AGBL1: variants seen among roughly 807,000 people sequenced by gnomAD.
The protein encoded by AGBL1 is AGBL carboxypeptidase 1, also known as cytosolic carboxypeptidase 4.
In AGBL1, 130 loss-of-function variants were observed where a neutral mutation model predicts 118.9. That is an observed-to-expected ratio of 1.09 (90% CI 0.95 to 1.26). The LOEUF is 1.26. AGBL1 is among the 50% of genes most tolerant of loss of function. The pLI, the probability that AGBL1 is intolerant of heterozygous loss-of-function variation, is 0.00. For synonymous variants in AGBL1, 555 were observed against 478.9 expected (o/e 1.16, Z -2.08); for missense variants, 1,584 against 1,298.1 (o/e 1.22, Z -3.38).
At chr15:86,477,815 T>C (rs1387042541) in intron 18 of AGBL1, among the ~76,000 whole-genome samples, 3 of 152,174 alleles carry the variant, frequency 2.0e-5, no homozygotes, top group Admixed American at 6.6e-5. Flanking sequence ...CTGATGAACA[T>C]TGATGCAAAA....
At chr15:86,189,165 C>A (rs1407714845) in intron 5 of AGBL1, among the ~76,000 whole-genome samples, 1 of 152,144 alleles carries the variant, frequency 6.6e-6, no homozygotes, top group Admixed American at 6.5e-5. Context: ...GTTTAGATGA[C>A]TTCTGTGCTT....
At chr15:86,485,189 G>A (rs1775761286) in intron 18 of AGBL1, among the ~76,000 whole-genome samples, 1 of 152,130 alleles carries the variant, frequency 6.6e-6, no homozygotes, top group African/African-American at 2.4e-5. Flanking sequence ...GGCATTACCT[G>A]GAGTTTGTTA....
intron 5 of AGBL1, among the ~76,000 whole-genome samples, chr15:86,191,926 A>AC (rs962069663): frequency 7.9e-5 from 12 of 150,956 alleles, no homozygotes; most frequent in African/African-American, 2.9e-4. Flanking sequence ...AACAAAAAAA[A>AC]CCAAAAAACA....
At chr15:86,454,212 T>C (rs921536564) in intron 18 of AGBL1, among the ~76,000 whole-genome samples, 2 of 152,216 alleles carry the variant, frequency 1.3e-5, no homozygotes, top group Admixed American at 6.5e-5. Context: ...CTGAGAGTCC[T>C]ATGCCTGTCC....
chr15:86,825,887 GGATAGATA>G (rs61494287), intron 22 of AGBL1, among the ~76,000 whole-genome samples: 34,372 of 143,900 alleles, frequency 0.24, 4,583 homozygotes, highest in South Asian at 0.29. Context: ...ATAGATGGAT[GGATAGATA>G]GATAGATAGA....
chr15:86,363,553 A>T (rs2141925962), intron 17 of AGBL1, among the ~76,000 whole-genome samples: 1 of 152,158 alleles, frequency 6.6e-6, no homozygotes, highest in East Asian at 1.9e-4. Context: ...GCAGGATCAT[A>T]CTGATTTCCT....
intron 23 of AGBL1, among the ~76,000 whole-genome samples, chr15:86,921,284 G>A (rs998692142): frequency 1.4e-4 from 21 of 152,110 alleles, no homozygotes; most frequent in African/African-American, 4.3e-4. Flanking sequence ...CTTCCTCCAG[G>A]CTCCTCAAGA....
chr15:86,243,348 A>G (rs932750931), intron 6 of AGBL1, among the ~76,000 whole-genome samples: 6 of 152,206 alleles, frequency 3.9e-5, no homozygotes, highest in Admixed American at 2.6e-4. Flanking sequence ...TGTGAACCTC[A>G]GTTAAGAAAT....
At chr15:86,364,938 G>A (rs903002836) in intron 17 of AGBL1, among the ~76,000 whole-genome samples, 2 of 125,202 alleles carry the variant, frequency 1.6e-5, no homozygotes, top group African/African-American at 3.0e-5. Flanking sequence ...TGCAGGAGCC[G>A]CATTGATTTA....
At chr15:86,926,148 T>C (rs2080537119) in intron 23 of AGBL1, among the ~76,000 whole-genome samples, 2 of 152,156 alleles carry the variant, frequency 1.3e-5, no homozygotes, top group Admixed American at 1.3e-4. Flanking sequence ...TTCTCCCCTA[T>C]TCCTTTTGCC....
chr15:86,553,383 C>G (rs2083689523), intron 20 of AGBL1, among the ~76,000 whole-genome samples: 1 of 152,026 alleles, frequency 6.6e-6, no homozygotes, highest in African/African-American at 2.4e-5. Flanking sequence ...GAGATGCCTT[C>G]TAAATGGAGA....
chr15:86,792,551 G>T (rs1363099892), intron 22 of AGBL1, among the ~76,000 whole-genome samples: 1 of 152,080 alleles, frequency 6.6e-6, no homozygotes, highest in Non-Finnish European at 1.5e-5. Flanking sequence ...GAAATTTGTT[G>T]GAGAGAATAA....
chr15:86,377,953 A>G (rs1161054689), intron 17 of AGBL1, among the ~76,000 whole-genome samples: 2 of 152,226 alleles, frequency 1.3e-5, no homozygotes, highest in Non-Finnish European at 2.9e-5. Flanking sequence ...AAGAGAGACC[A>G]TTAAAACAAA....
chr15:86,181,415 A>G (rs1390418704), intron 5 of AGBL1, among the ~76,000 whole-genome samples: 1 of 152,120 alleles, frequency 6.6e-6, no homozygotes, highest in Non-Finnish European at 1.5e-5. Flanking sequence ...CAGATTAAAA[A>G]GTATATACTG....
chr15:86,392,649 T>C (rs2081305744), intron 17 of AGBL1, among the ~76,000 whole-genome samples: 1 of 152,208 alleles, frequency 6.6e-6, no homozygotes, highest in South Asian at 2.1e-4. Context: ...CAGTTTTTAC[T>C]CAACTTTTCA....
At chr15:86,196,300 T>C (rs1415101385) in intron 5 of AGBL1, among the ~76,000 whole-genome samples, 1 of 152,160 alleles carries the variant, frequency 6.6e-6, no homozygotes, top group Non-Finnish European at 1.5e-5. Context: ...GGCTTAGTTT[T>C]TTCCATCTTC....
At chr15:86,184,909 T>A (rs1020956326) in intron 5 of AGBL1, among the ~76,000 whole-genome samples, 1 of 151,984 alleles carries the variant, frequency 6.6e-6, no homozygotes, top group Non-Finnish European at 1.5e-5. Flanking sequence ...CAGCCAAAAT[T>A]GACAAATGGG....
rs144845770 is a variant in AGBL1, at chr15:86,132,228, A to G, written c.52-9776A>G. Among the ~76,000 whole-genome samples the G allele has an allele frequency of 7.2e-5, 11 of 152,284 alleles. No individual in the cohort carries two copies. In the East Asian group the frequency reaches 2.1e-3, roughly 29 times the overall value. Reference sequence around the variant, plus strand: ...AGCTTGCTGAGAATGAGCTGGGTAGAGGACAAGGAAAAGGGCATCTCCCCA... The same window carrying G: ...AGCTTGCTGAGAATGAGCTGGGTAGGGGACAAGGAAAAGGGCATCTCCCCA... On this transcript the variant is annotated intron_variant, in intron 1 of 22. Transcript: ENST00000614907.
intron 22 of AGBL1, among the ~76,000 whole-genome samples, chr15:86,842,128 A>ACTGCTTT (rs1457231758): frequency 6.6e-6 from 1 of 152,088 alleles, no homozygotes; most frequent in East Asian, 1.9e-4. Flanking sequence ...CCTAGAGGAA[A>ACTGCTTT]CTGCTTTGCT....
Sources: gnomAD v4.1 joint callset for allele counts (sites outside exome capture counted in the v4.1 genomes callset) on GRCh38, gnomAD v4.1.1 for gene constraint, MANE v1.5 for transcripts, NCBI Gene and HGNC (gene_info 2026-07-23, HGNC 2026-07-21) for gene names.